Variants in PIK3AP1 observed in about 807,000 individuals in gnomAD.
PIK3AP1 encodes phosphoinositide-3-kinase adaptor protein 1.
A neutral mutation model predicts 88.1 loss-of-function variants in PIK3AP1; 21 were observed. The ratio of observed to expected loss-of-function variants is 0.24; its 90% CI spans 0.17 to 0.34. PIK3AP1 has a LOEUF of 0.34. Ranked by LOEUF, PIK3AP1 falls within the 10% of genes least tolerant of loss-of-function variation. PIK3AP1 has a pLI of 1.00. For synonymous variants in PIK3AP1, 398 were observed against 400.0 expected (o/e 1.00, Z 0.06); for missense variants, 828 against 1,035.7 (o/e 0.80, Z 2.75).
At chr10:96,643,615 G>A (rs1308714756) in intron 8 of PIK3AP1, among the ~76,000 whole-genome samples, 1 of 152,194 alleles carries the variant, frequency 6.6e-6, no homozygotes, top group Non-Finnish European at 1.5e-5. Flanking sequence ...CACCCAATCT[G>A]AATGGCAAAC....
chr10:96,699,905 A>C (rs964671193), intron 2 of PIK3AP1, among the ~76,000 whole-genome samples: 3 of 152,240 alleles, frequency 2.0e-5, no homozygotes, highest in African/African-American at 4.8e-5. Context: ...GAAAGAGGGT[A>C]ACACAGATGT....
chr10:96,698,220 C>T (rs1449997242), intron 2 of PIK3AP1, among the ~76,000 whole-genome samples: 1 of 152,102 alleles, frequency 6.6e-6, no homozygotes, highest in Admixed American at 6.5e-5. Flanking sequence ...TTAATCAAAG[C>T]CAATTTTGTC....
chr10:96,607,448 G>A (rs1429037366), intron 14 of PIK3AP1, among the ~76,000 whole-genome samples: 1 of 152,172 alleles, frequency 6.6e-6, no homozygotes. Flanking sequence ...AATGGAAGCA[G>A]CTATCTATAC....
chr10:96,628,912 A>ATATC lies in PIK3AP1; in HGVS notation c.1376-420_1376-419insGATA, dbSNP rs1843198301. Among the ~76,000 whole-genome samples the ATATC allele has an allele frequency of 5.7e-5, 6 of 105,344 alleles. 1 individual carries two copies. The highest frequency in any genetic ancestry group is 1.2e-4 in the Non-Finnish European group (6 of 51,422). 69.1% of individuals were successfully genotyped at this position (105,344 alleles called of 152,430 possible). On this transcript the variant is annotated intron_variant, in intron 8 of 16. Coordinates refer to ENST00000339364, the MANE Select transcript of PIK3AP1 (RefSeq NM_152309.3). ...TACATATATATATATATATATGTGT[A>ATATC]TATATATATATATATATGGCAAGGT...
At chr10:96,639,738 A>T (rs1843359360) in intron 8 of PIK3AP1, among the ~76,000 whole-genome samples, 1 of 152,220 alleles carries the variant, frequency 6.6e-6, no homozygotes, top group African/African-American at 2.4e-5. Flanking sequence ...ACTCGCCAGA[A>T]TCTTGCCAAA....
intron 13 of PIK3AP1, among the ~76,000 whole-genome samples, chr10:96,611,530 C>T (rs1286585499): frequency 1.3e-5 from 2 of 152,056 alleles, no homozygotes; most frequent in East Asian, 1.9e-4. Context: ...AGTGCAGTGG[C>T]GCCATCTTGG....
chr10:96,701,103 G>A (rs751795940), intron 2 of PIK3AP1, among the ~76,000 whole-genome samples: 35 of 152,334 alleles, frequency 2.3e-4, no homozygotes, highest in Middle Eastern at 3.4e-3. Context: ...ATATTCCCAG[G>A]ACAAACCTCT....
In PIK3AP1 at chr10:96,641,820, C is replaced by T. The variant is rs190099344; in HGVS notation, c.1375+3653G>A. On this transcript the variant is annotated intron_variant, in intron 8 of 16. Transcript: ENST00000339364. The stretch of plus-strand genomic sequence containing the variant: ...ATGGTCAGATGAGATCACGGGGATA[C>T]AGGCAGTCCATGGACTTTTAAAGGG... Among the ~76,000 whole-genome samples, 120 of 152,278 alleles carry T rather than the reference C, an allele frequency of 7.9e-4. 1 individual carries two copies. The highest frequency in any genetic ancestry group is 2.7e-3 in the African/African-American group (112 of 41,564).
At chr10:96,599,498 T>C (rs1045554673) in intron 16 of PIK3AP1, among the ~76,000 whole-genome samples, 1 of 151,958 alleles carries the variant, frequency 6.6e-6, no homozygotes, top group African/African-American at 2.4e-5. Flanking sequence ...AGAACCGGGA[T>C]GGAGTGGGAT....
Position 96,614,670 on chromosome 10 carries a change from T to C in PIK3AP1, c.2014+1969A>G, listed in dbSNP as rs116274078. ...AGACCTGTGTGAATACAAAGATAAC[T>C]GACTCATTAGCTACCAGATGGTGAA... On this transcript the variant is annotated intron_variant, in intron 13 of 16. Coordinates refer to ENST00000339364, the MANE Select transcript of PIK3AP1 (RefSeq NM_152309.3). Among the ~76,000 whole-genome samples the C allele has an allele frequency of 7.2e-3, 1,098 of 152,260 alleles. 17 individuals are homozygous for C. Among genetic ancestry groups the C allele is most frequent in the African/African-American group, 0.024 (1,017 of 41,542 alleles).
chr10:96,717,435 T>C (rs1424822725), intron 1 of PIK3AP1, among the ~76,000 whole-genome samples: 1 of 152,040 alleles, frequency 6.6e-6, no homozygotes, highest in Admixed American at 6.5e-5. Flanking sequence ...GGATGAGAGA[T>C]AGGGAAGGTG....
intron 14 of PIK3AP1, among the ~76,000 whole-genome samples, chr10:96,608,174 T>A (rs1849034860): frequency 6.6e-6 from 1 of 152,160 alleles, no homozygotes; most frequent in Admixed American, 6.5e-5. Flanking sequence ...AATTAGTGCA[T>A]TTCTCTTGTT....
chr10:96,633,980 G>A (rs544095401), intron 8 of PIK3AP1, among the ~76,000 whole-genome samples: 1 of 152,176 alleles, frequency 6.6e-6, no homozygotes, highest in African/African-American at 2.4e-5. Context: ...GAGCCAGCAG[G>A]CTTCTTCCCT....
chr10:96,685,105 T>C (rs1404175517), intron 2 of PIK3AP1, among the ~76,000 whole-genome samples: 1 of 152,238 alleles, frequency 6.6e-6, no homozygotes, highest in South Asian at 2.1e-4. Context: ...TATACTGCTT[T>C]TGAAAAATAT....
intron 2 of PIK3AP1, among the ~76,000 whole-genome samples, chr10:96,701,124 A>C (rs1844292589): frequency 6.6e-6 from 1 of 152,222 alleles, no homozygotes; most frequent in South Asian, 2.1e-4. Context: ...AGAGATTCCT[A>C]TTCAGTAGGT....
chr10:96,598,024 GT>G (rs55878658), intron 16 of PIK3AP1, among the ~76,000 whole-genome samples: 144,641 of 145,676 alleles, frequency 0.99, 71,816 homozygotes, highest in Middle Eastern at 1. Flanking sequence ...ATTATAGTGG[GT>G]TTTTTTTGTT....
rs1843367799 is a variant in PIK3AP1 at position 96,640,365 on chromosome 10, C to T, written c.1375+5108G>A. Among the ~76,000 whole-genome samples, 4 of 17,508 alleles carry T rather than the reference C, an allele frequency of 2.3e-4. No homozygotes were observed. The South Asian group carries it at 0.17, about 730-fold the overall frequency. The allele number at this position is 17,508 out of a possible 152,430, so 11.5% of individuals were successfully genotyped here. A position where few individuals can be genotyped will look rare whatever the true frequency, so the allele number is the denominator to read the frequency against. ...CAGACTGGACAAGGGCCTCCCAGAA[C>T]TGCCCCCCCAAGGCCATTCTACCCA... On this transcript the variant is annotated intron_variant, in intron 8 of 16. Transcript: ENST00000339364.
intron 2 of PIK3AP1, among the ~76,000 whole-genome samples, chr10:96,681,029 G>C (rs1212725125): frequency 6.6e-6 from 1 of 152,180 alleles, no homozygotes; most frequent in African/African-American, 2.4e-5. Flanking sequence ...TAGACTGTGT[G>C]GCTTAAACAA....
At chr10:96,662,016 T>C (rs2134244210) in intron 2 of PIK3AP1, among the ~76,000 whole-genome samples, 1 of 152,344 alleles carries the variant, frequency 6.6e-6, no homozygotes, top group African/African-American at 2.4e-5. Flanking sequence ...ATTTTATCAG[T>C]GGTTTGGGAA....
Sources: allele counts gnomAD v4.1 joint callset (sites outside exome capture counted in the v4.1 genomes callset), GRCh38; gene constraint gnomAD v4.1.1; transcripts MANE v1.5; gene names NCBI Gene and HGNC (gene_info 2026-07-23, HGNC 2026-07-21).